RGS22: variants seen among roughly 807,000 people sequenced by gnomAD.
RGS22 encodes the protein regulator of G-protein signaling 22.
Under a neutral mutation model 172.9 loss-of-function variants are expected in RGS22, and 148 were observed. That is an observed-to-expected ratio of 0.86 (90% CI 0.75 to 0.98). The LOEUF is 0.98. Ranked by LOEUF, RGS22 falls within the 50% of genes least tolerant of loss-of-function variation. The probability of loss-of-function intolerance (pLI) is 0.00; values close to 1 mark genes in which losing one functional copy is unlikely to be tolerated. For synonymous variants in RGS22, 458 were observed against 480.2 expected (o/e 0.95, Z 0.60); for missense variants, 1,347 against 1,440.8 (o/e 0.93, Z 1.05).
intron 14 of RGS22, among the ~76,000 whole-genome samples, chr8:100,011,056 T>C (rs1181553240): frequency 6.6e-6 from 1 of 151,884 alleles, no homozygotes; most frequent in East Asian, 1.9e-4. Flanking sequence ...CACAGGTCAA[T>C]GCATGGAGGC....
At chr8:100,039,741 AAAT>A (rs1193908702) in intron 13 of RGS22, among the ~76,000 whole-genome samples, 18 of 152,028 alleles carry the variant, frequency 1.2e-4, no homozygotes, top group African/African-American at 4.1e-4. Context: ...AACCAACTGG[AAAT>A]AATGTTGCCA....
chr8:100,039,694 A>T (rs1346871971), intron 13 of RGS22, among the ~76,000 whole-genome samples: 1 of 152,114 alleles, frequency 6.6e-6, no homozygotes, highest in African/African-American at 2.4e-5. Flanking sequence ...TCATTTGAGC[A>T]AAAGTAAGAC....
chr8:99,965,649 G>T lies in RGS22; in HGVS notation c.3520-219C>A, dbSNP rs146504217. Among the ~76,000 whole-genome samples, 1,161 of 152,132 alleles carry T rather than the reference G, an allele frequency of 7.6e-3. 8 individuals are homozygous for T. Among genetic ancestry groups the T allele is most frequent in the Middle Eastern group, 0.017 (5 of 294 alleles). ...TAAAAATACTTTAAAATAAATGAGAGAAATGATTAAGTTGAATGTAAAAAT... is the reference window on the plus strand; with the variant it reads ...TAAAAATACTTTAAAATAAATGAGATAAATGATTAAGTTGAATGTAAAAAT... On this transcript the variant is annotated intron_variant, in intron 23 of 27. Coordinates refer to ENST00000360863, the MANE Select transcript of RGS22 (RefSeq NM_015668.5).
intron 6 of RGS22, among the ~76,000 whole-genome samples, chr8:100,069,154 T>G (rs942869097): frequency 5.3e-5 from 8 of 152,190 alleles, no homozygotes; most frequent in African/African-American, 1.9e-4. Flanking sequence ...AGCCTATCTA[T>G]TCCAACACAG....
intron 9 of RGS22, among the ~76,000 whole-genome samples, chr8:100,053,926 G>A (rs560427298): frequency 3.9e-4 from 59 of 152,264 alleles, no homozygotes; most frequent in Non-Finnish European, 5.0e-4. Context: ...GAGCCACTGC[G>A]CCTGGCCTAT....
At chr8:99,983,014 G>T (rs943511308) in intron 21 of RGS22, among the ~76,000 whole-genome samples, 1 of 152,248 alleles carries the variant, frequency 6.6e-6, no homozygotes, top group Middle Eastern at 3.4e-3. Context: ...ATGTCCATGT[G>T]TGCCCAATGT....
intron 21 of RGS22, among the ~76,000 whole-genome samples, chr8:99,983,257 A>G (rs1347411144): frequency 6.6e-6 from 1 of 152,190 alleles, no homozygotes; most frequent in Non-Finnish European, 1.5e-5. Flanking sequence ...TAGTGCAGTG[A>G]TGAACATATG....
chr8:99,966,093 A>G (rs571587114), intron 23 of RGS22, among the ~76,000 whole-genome samples: 26 of 152,366 alleles, frequency 1.7e-4, no homozygotes, highest in African/African-American at 5.5e-4. Context: ...TTGACAGATA[A>G]TATTTTAGAA....
At chr8:100,093,642 C>T in intron 2 of RGS22, 133 bp from the exon 3 acceptor site, 1 of 613,174 alleles carries the variant, frequency 1.6e-6, no homozygotes, top group Non-Finnish European at 2.9e-6. Context: ...CAACAGTGAA[C>T]CCTCACTATA....
chr8:99,973,707 A>G (rs1242569829), intron 23 of RGS22, among the ~76,000 whole-genome samples: 1 of 152,144 alleles, frequency 6.6e-6, no homozygotes, highest in Admixed American at 6.5e-5. Flanking sequence ...GTTTCTACTA[A>G]AAATCCAAAA....
chr8:100,001,871 C>G (rs902806062), intron 18 of RGS22, among the ~76,000 whole-genome samples: 1 of 152,198 alleles, frequency 6.6e-6, no homozygotes, highest in African/African-American at 2.4e-5. Flanking sequence ...TGTCCATCTT[C>G]TTCACCACTT....
rs1444485974 is a variant in RGS22, at chr8:100,003,969, C to A, written c.2584G>T (p.Glu862Ter). 1 of 1,610,252 alleles carries A rather than the reference C, an allele frequency of 6.2e-7. No individual in the cohort carries two copies. The highest frequency in any genetic ancestry group is 8.5e-7 in the Non-Finnish European group (1 of 1,177,888). Residue 862 changes from glutamate (E) to a stop codon, truncating the protein, a stop_gained, in exon 17 of 28, where the codon GAG becomes TAG. Coordinates refer to ENST00000360863, the MANE Select transcript of RGS22 (RefSeq NM_015668.5). LOFTEE classifies it high-confidence loss of function. Reference protein sequence around the residue: ...KFSDLLNNKLEFEHFRQFLET... With the variant: ...KFSDLLNNKL ...AGAAACTGACGGAAATGTTCAAACT[C>A]CAGTTTGTTGTTAAGCAGATCACTA...
intron 2 of RGS22, among the ~76,000 whole-genome samples, chr8:100,098,697 T>C (rs917930745): frequency 5.9e-5 from 9 of 152,020 alleles, no homozygotes; most frequent in African/African-American, 2.2e-4. Context: ...TCTTCTTCCC[T>C]CTTTCTTCCT....
chr8:100,092,518 A>G (rs1812660834), intron 3 of RGS22, among the ~76,000 whole-genome samples: 1 of 152,174 alleles, frequency 6.6e-6, no homozygotes, highest in East Asian at 1.9e-4. Flanking sequence ...TTGGTTATCA[A>G]GAGAGTGTTA....
Position 100,038,951 on chromosome 8 carries a change from T to G in RGS22, c.2146A>C (p.Lys716Gln). 1.2e-6 allele frequency: 2 copies of G among 1,611,294 alleles called. No individual in the cohort carries two copies. The highest frequency in any genetic ancestry group is 1.7e-6 in the Non-Finnish European group (2 of 1,178,182). Residue 716 changes from lysine (K) to glutamine (Q), a missense_variant, in exon 14 of 28, where the codon AAA becomes CAA. Lys to Gln is a moderately conservative substitution (Grantham distance 53, BLOSUM62 1). Transcript: ENST00000360863. ...LFYQETLQPF[K>Q]VCKQAQYLFA... ...CGTACTTGCGCTTGCTTGCATACTT[T>G]AAAAGGCTGAAGTGTTTCTTGGTAG...
At chr8:100,017,007 TTTTTTTTTTA>T (rs1817052126) in intron 14 of RGS22, among the ~76,000 whole-genome samples, 4 of 134,700 alleles carry the variant, frequency 3.0e-5, no homozygotes, top group African/African-American at 5.6e-5. Flanking sequence ...TTTTTTTTTT[TTTTTTTTTTA>T]AACAGGGGCT....
At chr8:100,031,877 A>G (rs1250966021) in intron 14 of RGS22, among the ~76,000 whole-genome samples, 3 of 152,190 alleles carry the variant, frequency 2.0e-5, no homozygotes, top group Admixed American at 6.5e-5. Flanking sequence ...GTTCTTAAGG[A>G]AAAGAATTTT....
At chr8:100,031,576 T>C (rs542479066) in intron 14 of RGS22, among the ~76,000 whole-genome samples, 97 of 151,378 alleles carry the variant, frequency 6.4e-4, no homozygotes, top group African/African-American at 2.2e-3. Flanking sequence ...ATTTGGTGCG[T>C]GTGTGTGTGT....
At chr8:100,025,819 A>G (rs1201085127) in intron 14 of RGS22, among the ~76,000 whole-genome samples, 1 of 152,232 alleles carries the variant, frequency 6.6e-6, no homozygotes, top group African/African-American at 2.4e-5. Context: ...ACTTCATTGG[A>G]AAACACTGTA....
Sources: gnomAD v4.1 joint callset for allele counts (sites outside exome capture counted in the v4.1 genomes callset) on GRCh38, gnomAD v4.1.1 for gene constraint, MANE v1.5 for transcripts, NCBI Gene and HGNC (gene_info 2026-07-23, HGNC 2026-07-21) for gene names.